STARD9: variants seen among roughly 807,000 people sequenced by gnomAD.
The protein encoded by STARD9 is StAR related lipid transfer domain containing 9.
A neutral mutation model predicts 399.8 loss-of-function variants in STARD9; 346 were observed. The observed-to-expected ratio is 0.87, with a 90% CI of 0.79 to 0.95. The LOEUF is 0.95. Ranked by LOEUF, STARD9 falls within the 40% of genes least tolerant of loss-of-function variation. The probability of loss-of-function intolerance (pLI) is 0.00; values close to 1 mark genes in which losing one functional copy is unlikely to be tolerated. For missense variants in STARD9, 5,832 were observed against 5,667.5 expected, an observed-to-expected ratio of 1.03 and a Z score of -0.93; for synonymous variants, 2,203 against 2,143.5, an observed-to-expected ratio of 1.03 and a Z score of -0.77.
At chr15:42,649,170 C>T (rs2059705809) in intron 7 of STARD9, among the ~76,000 whole-genome samples, 1 of 152,050 alleles carries the variant, frequency 6.6e-6, no homozygotes, top group Non-Finnish European at 1.5e-5. Context: ...GCTGGGATTA[C>T]AGTCGCGCAC....
In STARD9 at chr15:42,717,763, C is replaced by A. The variant is rs1324946444; in HGVS notation, c.13527C>A (p.Asn4509Lys). 1 of 1,537,222 alleles carries A rather than the reference C, an allele frequency of 6.5e-7. No homozygotes were observed. ...CTGCTTGTTCGGATAATTTGCACAACCTCTTCAGCTGCCAGGCAACTGCTG... is the reference window on the plus strand; with the variant it reads ...CTGCTTGTTCGGATAATTTGCACAAACTCTTCAGCTGCCAGGCAACTGCTG... The part of the protein sequence containing the change: ...VMAACSDNLH[N>K]LFSCQATAGW... The change falls in exon 29 of 33, where the codon AAC becomes AAA. Residue 4509 changes from asparagine to lysine, a missense_variant. Asn to Lys is a moderately conservative substitution (Grantham distance 94). Around this residue, in one of 2 missense-constraint regions of STARD9, gnomAD observed 5,828 missense variants for 5,651.1 expected, o/e 1.03. Coordinates refer to ENST00000290607, the MANE Select transcript of STARD9 (RefSeq NM_020759.3).
At position 42,686,138 on chromosome 15, in the gene STARD9, G is replaced by C; in HGVS notation, c.4560G>C (p.Leu1520=). The C allele has an allele frequency of 6.5e-7, 1 of 1,537,282 alleles. No individual in the cohort carries two copies. Among genetic ancestry groups the C allele is most frequent in the Non-Finnish European group, 8.7e-7 (1 of 1,146,922 alleles). ...ACCTTGAGGAAGACTCTGGTTCCCT[G>C]GCCCAAGCTTCTAGCAAAGGAGGAG... ...YPYLEEDSGS[L]AQASSKGGDT... Residue 1520 remains leucine, a synonymous_variant, in exon 23 of 33, where the codon CTG becomes CTC. Transcript: ENST00000290607.
intron 3 of STARD9, among the ~76,000 whole-genome samples, chr15:42,597,127 G>A (rs1268218335): frequency 2.0e-5 from 3 of 152,096 alleles, no homozygotes; most frequent in Admixed American, 6.5e-5. Context: ...ACAAGGTCTC[G>A]TTCTGTTTCT....
intron 3 of STARD9, among the ~76,000 whole-genome samples, chr15:42,625,589 C>T (rs540979886): frequency 1.3e-5 from 2 of 151,226 alleles, no homozygotes; most frequent in South Asian, 4.2e-4. Flanking sequence ...CTTGGCCTCC[C>T]AAAGTGCTGG....
intron 8 of STARD9, among the ~76,000 whole-genome samples, chr15:42,651,555 A>G (rs2059763147): frequency 6.6e-6 from 1 of 152,178 alleles, no homozygotes; most frequent in Non-Finnish European, 1.5e-5. Flanking sequence ...CCTAAAAGCT[A>G]TTGTAAATTG....
chr15:42,607,828 G>T (rs1416017985), intron 3 of STARD9, among the ~76,000 whole-genome samples: 1 of 152,034 alleles, frequency 6.6e-6, no homozygotes, highest in African/African-American at 2.4e-5. Flanking sequence ...TACTTACACA[G>T]TAGGGAGGAT....
At chr15:42,614,024 T>C (rs948912444) in intron 3 of STARD9, among the ~76,000 whole-genome samples, 2 of 150,270 alleles carry the variant, frequency 1.3e-5, no homozygotes, top group Non-Finnish European at 3.0e-5. Context: ...ATAATAACAG[T>C]GTATCAGGCT....
At chr15:42,659,980 G>A (rs2059961708) in intron 9 of STARD9, among the ~76,000 whole-genome samples, 1 of 152,112 alleles carries the variant, frequency 6.6e-6, no homozygotes, top group Non-Finnish European at 1.5e-5. Context: ...TCCATCAAAA[G>A]GCAAATGGAT....
Position 42,694,677 on chromosome 15 carries a change from G to T in STARD9, c.12914G>T (p.Arg4305Leu). The T allele has an allele frequency of 6.5e-7, 1 of 1,537,152 alleles. No homozygotes were observed. The highest frequency in any genetic ancestry group is 8.7e-7 in the Non-Finnish European group (1 of 1,146,900). ...FIWDLDLPSR[R>L]REYLQQLRKD... The stretch of plus-strand genomic sequence containing the variant: ...TGGGATCTTGACTTGCCCAGCAGAC[G>T]CCGAGAATACCTGCAGCAACTGAGG... The change falls in exon 24 of 33, where the codon CGC becomes CTC. Residue 4305 changes from arginine to leucine, a missense_variant. By Grantham distance (102) the Arg-to-Leu change is moderately radical. Coordinates refer to ENST00000290607, the MANE Select transcript of STARD9 (RefSeq NM_020759.3).
Position 42,599,414 on chromosome 15 carries a change from A to G in STARD9, c.234+13777A>G, listed in dbSNP as rs566395528. Among the ~76,000 whole-genome samples, 11 of 152,272 alleles carry G rather than the reference A, an allele frequency of 7.2e-5. No individual in the cohort carries two copies. The South Asian group carries it at 1.2e-3, about 17-fold the overall frequency. On this transcript the variant is annotated intron_variant, in intron 3 of 32. Coordinates refer to ENST00000290607, the MANE Select transcript of STARD9 (RefSeq NM_020759.3). ...GGTTATTGCCCTTCCCCAAAATGCC[A>G]TATCTTTCTCTGCTTTTGCTTATAT...
At position 42,692,038 on chromosome 15, in the gene STARD9, T is replaced by C. The variant is rs1278032996; in HGVS notation, c.10460T>C (p.Met3487Thr). 2 of 1,537,126 alleles carry C rather than the reference T, an allele frequency of 1.3e-6. No individual in the cohort carries two copies. Among genetic ancestry groups the C allele is most frequent in the African/African-American group, 2.7e-5 (2 of 73,044 alleles). The change falls in exon 23 of 33, where the codon ATG (methionine) becomes ACG (threonine). Residue 3487 changes from methionine to threonine, a missense_variant. Met to Thr is a moderately conservative substitution (Grantham distance 81). This residue lies in a region of STARD9 where 5,828 missense variants were observed against 5,651.1 expected (regional missense o/e 1.03). Transcript: ENST00000290607. ...EPARISWKQY[M>T]SGSAVDVSCS... Reference sequence around the variant, plus strand: ...GCACGTATCAGCTGGAAGCAGTATATGTCTGGCAGTGCAGTCGATGTTTCC... The same window carrying C: ...GCACGTATCAGCTGGAAGCAGTATACGTCTGGCAGTGCAGTCGATGTTTCC...
intron 26 of STARD9, among the ~76,000 whole-genome samples, chr15:42,701,633 C>T (rs1007189389): frequency 3.3e-5 from 5 of 151,996 alleles, no homozygotes. Context: ...CTGAACAGAC[C>T]TCCTCTCAGC....
chr15:42,586,490 C>G (rs1008793111), intron 3 of STARD9, among the ~76,000 whole-genome samples: 8 of 152,154 alleles, frequency 5.3e-5, no homozygotes, highest in African/African-American at 1.4e-4. Context: ...GCAGTGTTGT[C>G]TTGGTTTGAG....
intron 3 of STARD9, among the ~76,000 whole-genome samples, chr15:42,615,562 T>C (rs1456208225): frequency 1.3e-5 from 2 of 151,550 alleles, no homozygotes; most frequent in African/African-American, 4.8e-5. Flanking sequence ...TATATATGGG[T>C]TATATATAAA....
chr15:42,616,268 G>A (rs546011412), intron 3 of STARD9, among the ~76,000 whole-genome samples: 11 of 152,190 alleles, frequency 7.2e-5, no homozygotes, highest in African/African-American at 2.2e-4. Flanking sequence ...CTCCAAAAAC[G>A]ATCAACAAAT....
chr15:42,653,905 A>C (rs2059813503), intron 9 of STARD9, among the ~76,000 whole-genome samples: 1 of 152,184 alleles, frequency 6.6e-6, no homozygotes, highest in African/African-American at 2.4e-5. Context: ...ATTTTTGTAC[A>C]TTGTCATATA....
chr15:42,683,456 T>G (rs1360452105), intron 22 of STARD9, among the ~76,000 whole-genome samples: 1 of 152,094 alleles, frequency 6.6e-6, no homozygotes, highest in Non-Finnish European at 1.5e-5. Flanking sequence ...AGTATATACT[T>G]CTAAAAAAAA....
rs1189385391 is a variant in STARD9 at position 42,720,465 on chromosome 15, G to A, written c.*891G>A. The A allele has an allele frequency of 6.6e-6, 1 of 152,328 alleles. No individual in the cohort carries two copies. The allele number at this position is 152,328 out of a possible 1,614,324, so 9.4% of individuals were successfully genotyped here. On this transcript the variant is annotated 3_prime_UTR_variant, in exon 33 of 33. Coordinates refer to ENST00000290607, the MANE Select transcript of STARD9 (RefSeq NM_020759.3). ...CCAGAGGAGGTGAGTGGCTTGTTGGGAGGAAGCTCAGTTCCAGAACTTACC... is the reference window on the plus strand; with the variant it reads ...CCAGAGGAGGTGAGTGGCTTGTTGGAAGGAAGCTCAGTTCCAGAACTTACC...
intron 1 of STARD9, 44 bp from the exon 2 acceptor site, chr15:42,583,302 A>T (rs1266985539): frequency 3.4e-6 from 5 of 1,464,184 alleles, no homozygotes; most frequent in Admixed American, 2.2e-5. Flanking sequence ...TTTTTTCTTG[A>T]TTTTAAAAAC....
Sources: allele counts gnomAD v4.1 joint callset (sites outside exome capture counted in the v4.1 genomes callset), GRCh38; gene constraint gnomAD v4.1.1; regional missense constraint gnomAD v4.1.1; transcripts MANE v1.5; gene names NCBI Gene and HGNC (gene_info 2026-07-23, HGNC 2026-07-21).